The following UBAC2 variants were observed in gnomAD, a reference collection of about 807,000 sequenced individuals.
UBAC2 encodes the protein UBA domain containing 2, also known as ubiquitin-associated domain-containing protein 2.
Under a neutral mutation model 44.0 loss-of-function variants are expected in UBAC2, and 26 were observed. The ratio of observed to expected loss-of-function variants is 0.59; its 90% CI spans 0.43 to 0.82. The LOEUF (loss-of-function observed/expected upper bound fraction) is 0.82. Ranked by LOEUF, UBAC2 falls within the 40% of genes least tolerant of loss-of-function variation. UBAC2 has a pLI of 0.00. For synonymous variants in UBAC2, 155 were observed against 154.3 expected, an observed-to-expected ratio of 1.00 and a Z score of -0.04; for missense variants, 329 against 419.4, an observed-to-expected ratio of 0.78 and a Z score of 1.88.
In UBAC2 at chr13:99,380,000, G is replaced by A. The variant is rs976276452; in HGVS notation, c.928-5228G>A. Among the ~76,000 whole-genome samples, 10 of 152,318 alleles carry A rather than the reference G, an allele frequency of 6.6e-5. No individual in the cohort carries two copies. In the South Asian group the frequency reaches 2.1e-3, roughly 32 times the overall value. On this transcript the variant is annotated intron_variant, in intron 8 of 8. Coordinates refer to ENST00000403766, the MANE Select transcript of UBAC2 (RefSeq NM_001144072.2). ...AACCTGCCCACTGGCATGTGCTTGC[G>A]TGGGGGAGTCGGGGCATGTGCAGAA... is the stretch of plus-strand genomic sequence containing the variant.
At chr13:99,375,719 A>G (rs1364417908) in intron 8 of UBAC2, among the ~76,000 whole-genome samples, 1 of 152,060 alleles carries the variant, frequency 6.6e-6, no homozygotes, top group Admixed American at 6.6e-5. Context: ...GTCCCATTTT[A>G]CTTATGTCAA....
intron 4 of UBAC2, among the ~76,000 whole-genome samples, chr13:99,289,434 A>G (rs1025165156): frequency 2.0e-5 from 3 of 152,374 alleles, no homozygotes; most frequent in African/African-American, 7.2e-5. Flanking sequence ...ATGGAGATAA[A>G]TCAGGTTGGA....
chr13:99,244,078 C>T (rs2043351883), intron 3 of UBAC2, 127 bp downstream of exon 3: 1 of 776,164 alleles, frequency 1.3e-6, no homozygotes, highest in South Asian at 2.2e-5. Context: ...TATTCTGTAT[C>T]TGATTTGAGG....
chr13:99,313,937 A>G (rs2044449729), intron 4 of UBAC2, among the ~76,000 whole-genome samples, 160 bp from the exon 5 acceptor site: 2 of 152,240 alleles, frequency 1.3e-5, no homozygotes, highest in South Asian at 4.1e-4. Flanking sequence ...ATAAGTACAA[A>G]TTATTTTGGA....
chr13:99,208,057 G>C (rs1212870757), intron 1 of UBAC2, among the ~76,000 whole-genome samples: 1 of 148,346 alleles, frequency 6.7e-6, no homozygotes, highest in East Asian at 2.0e-4. Flanking sequence ...GAGTGCAATG[G>C]CGTGATCTTG....
At chr13:99,330,256 C>T (rs992040016) in intron 6 of UBAC2, among the ~76,000 whole-genome samples, 23 of 151,716 alleles carry the variant, frequency 1.5e-4, no homozygotes, top group African/African-American at 5.1e-4. Flanking sequence ...GTCAGGAGTT[C>T]GAGACCAGCC....
intron 5 of UBAC2, among the ~76,000 whole-genome samples, chr13:99,317,290 A>G (rs188224834): frequency 1.3e-5 from 2 of 152,370 alleles, no homozygotes; most frequent in African/African-American, 4.8e-5. Context: ...AGTTCTAAAA[A>G]TTAACCAACA....
intron 6 of UBAC2, among the ~76,000 whole-genome samples, chr13:99,325,085 T>C (rs2044619851): frequency 6.7e-6 from 1 of 150,212 alleles, no homozygotes; most frequent in African/African-American, 2.4e-5. Context: ...AGCATAACTT[T>C]AGTGTCTATG....
chr13:99,294,491 C>T (rs2044137491), intron 4 of UBAC2: 1 of 152,260 alleles, frequency 6.6e-6, no homozygotes, highest in South Asian at 2.1e-4. Context: ...TTTTCCCTGA[C>T]ACTCCCACTG....
intron 8 of UBAC2, among the ~76,000 whole-genome samples, chr13:99,369,014 G>A (rs551586185): frequency 1.3e-5 from 2 of 152,072 alleles, no homozygotes; most frequent in African/African-American, 2.4e-5. Context: ...GCATCGGCTT[G>A]GGGATCAGAA....
At chr13:99,209,255 A>T (rs1172515860) in intron 1 of UBAC2, among the ~76,000 whole-genome samples, 1 of 152,146 alleles carries the variant, frequency 6.6e-6, no homozygotes, top group Middle Eastern at 3.2e-3. Context: ...CCCCTCAAGG[A>T]TTCACTTCAC....
chr13:99,227,776 G>A (rs918898417), intron 1 of UBAC2, among the ~76,000 whole-genome samples: 3 of 152,296 alleles, frequency 2.0e-5, no homozygotes, highest in East Asian at 1.9e-4. Context: ...ATGGTACAGC[G>A]TGGATGCCTA....
At chr13:99,244,238 G>A (rs1453391723) in intron 3 of UBAC2, among the ~76,000 whole-genome samples, 1 of 151,998 alleles carries the variant, frequency 6.6e-6, no homozygotes, top group African/African-American at 2.4e-5. Context: ...TTTGCTTAGT[G>A]GTTTGTGTTT....
chr13:99,382,118 T>C lies in UBAC2; in HGVS notation c.928-3110T>C, dbSNP rs936060292. Among the ~76,000 whole-genome samples the C allele has an allele frequency of 2.0e-5, 3 of 152,288 alleles. No homozygotes were observed. In the South Asian group the frequency reaches 6.2e-4, roughly 32 times the overall value. ...GTTCTGGGCTCTTTGACCTGACGTG[T>C]TTGACATTTTCATCAATAATAACTT... On this transcript the variant is annotated intron_variant, in intron 8 of 8. Transcript: ENST00000403766.
intron 4 of UBAC2, among the ~76,000 whole-genome samples, chr13:99,291,953 C>T (rs2138708684): frequency 6.6e-6 from 1 of 152,154 alleles, no homozygotes; most frequent in South Asian, 2.1e-4. Flanking sequence ...CTCACCGAGC[C>T]CACAGCTTAG....
intron 4 of UBAC2, among the ~76,000 whole-genome samples, chr13:99,279,715 C>CTTTT (rs1290989761): frequency 6.6e-6 from 1 of 152,194 alleles, no homozygotes; most frequent in Admixed American, 6.5e-5. Context: ...AGGATCAAGG[C>CTTTT]ACTGGCAGAT....
Position 99,254,676 on chromosome 13 carries a change from A to G in UBAC2, c.389+10052A>G. On this transcript the variant is annotated intron_variant, in intron 4 of 8. Coordinates refer to ENST00000403766, the MANE Select transcript of UBAC2 (RefSeq NM_001144072.2). The stretch of plus-strand genomic sequence containing the variant: ...AAAAAGTTAATTATCTGTGTGAACA[A>G]GGCTTGACTAGGAAAGAAAAATCAG... 3 of 507,114 alleles carry G rather than the reference A, an allele frequency of 5.9e-6. No individual in the cohort carries two copies. In the East Asian group the frequency reaches 1.0e-4, roughly 17 times the overall value. The allele number at this position is 507,114 out of a possible 1,614,324, so 31.4% of individuals were successfully genotyped here. A position where few individuals can be genotyped will look rare whatever the true frequency, so the allele number is the denominator to read the frequency against.
intron 2 of UBAC2, among the ~76,000 whole-genome samples, chr13:99,242,340 C>G (rs1314232668): frequency 6.7e-6 from 1 of 148,940 alleles, no homozygotes; most frequent in South Asian, 2.1e-4. Context: ...CTGACCCCCC[C>G]ACCTCCCTCC....
Position 99,304,539 on chromosome 13 carries a change from G to GAATAGC in UBAC2, c.390-9555_390-9550dup, listed in dbSNP as rs557070936. On this transcript the variant is annotated intron_variant, in intron 4 of 8. Coordinates refer to ENST00000403766, the MANE Select transcript of UBAC2 (RefSeq NM_001144072.2). Reference sequence around the variant, plus strand: ...ATTCAATAAATACCCATTAGTTAAAGAATAGCAACATTGCAGCTTTCTTAA... The same window carrying GAATAGC: ...ATTCAATAAATACCCATTAGTTAAAGAATAGCAATAGCAACATTGCAGCTTTCTTAA... Among the ~76,000 whole-genome samples the GAATAGC allele has an allele frequency of 3.2e-3, 486 of 152,286 alleles. 14 individuals carry two copies. The highest frequency in any genetic ancestry group is 2.3e-3 in the East Asian group (12 of 5,182).
Sources: gnomAD v4.1 joint callset for allele counts (sites outside exome capture counted in the v4.1 genomes callset) on GRCh38, gnomAD v4.1.1 for gene constraint, MANE v1.5 for transcripts, NCBI Gene and HGNC (gene_info 2026-07-23, HGNC 2026-07-21) for gene names.